Variants in UPB1 observed in about 807,000 individuals in gnomAD.
The protein encoded by UPB1 is beta-ureidopropionase 1.
In UPB1, 40 loss-of-function variants were observed where a neutral mutation model predicts 49.1. The observed-to-expected ratio is 0.81, with a 90% CI of 0.63 to 1.06. The LOEUF (loss-of-function observed/expected upper bound fraction) is 1.06, where lower values mean the gene tolerates loss of function less well. Ranked by LOEUF, UPB1 falls within the 50% of genes least tolerant of loss-of-function variation. The probability of loss-of-function intolerance (pLI) is 0.00; values close to 1 mark genes in which losing one functional copy is unlikely to be tolerated. For synonymous variants in UPB1, 207 were observed against 198.2 expected (o/e 1.04, Z -0.38); for missense variants, 499 against 505.9 (o/e 0.99, Z 0.13).
rs149064700 is a variant in UPB1, at chr22:24,500,360, C to T, written c.276+82C>T. On this transcript the variant is annotated intron_variant, in intron 2 of 9. Coordinates refer to ENST00000326010, the MANE Select transcript of UPB1 (RefSeq NM_016327.3). ...AGCACACCTGCAGGCCCTGGCTGGC[C>T]GCATACTCCGGGTCTGCAGGCTTGG... 267 of 1,589,028 alleles carry T rather than the reference C, an allele frequency of 1.7e-4. No individual in the cohort carries two copies. The African/African-American group carries it at 2.7e-3, about 16-fold the overall frequency.
chr22:24,524,663 A>G lies in UPB1; in HGVS notation c.1071+890A>G, dbSNP rs1166832115. ...ACCACCACACCCAGCTAATTTTTAAAATTTTTTATAGAGACCGAGTCTCAC... is the reference window on the plus strand; with the variant it reads ...ACCACCACACCCAGCTAATTTTTAAGATTTTTTATAGAGACCGAGTCTCAC... On this transcript the variant is annotated intron_variant, in intron 9 of 9. Transcript: ENST00000326010. 2.0e-5 allele frequency among the ~76,000 whole-genome samples: 3 copies of G among 151,874 alleles called. No individual in the cohort carries two copies. In the East Asian group the frequency reaches 5.8e-4, roughly 29 times the overall value.
At chr22:24,512,985 A>T (rs751499222) in intron 4 of UPB1, among the ~76,000 whole-genome samples, 2 of 152,224 alleles carry the variant, frequency 1.3e-5, no homozygotes, top group Non-Finnish European at 2.9e-5. Context: ...GCTGCAATGA[A>T]TATGCGTTTG....
intron 1 of UPB1, among the ~76,000 whole-genome samples, chr22:24,496,186 TAGTG>T (rs1426661471): frequency 6.6e-6 from 1 of 151,910 alleles, no homozygotes; most frequent in Non-Finnish European, 1.5e-5. Context: ...CTGGGCAACA[TAGTG>T]AGACACCCAT....
At position 24,527,800 on chromosome 22, in the gene UPB1, TTA is replaced by T. The variant is rs2044493509; in HGVS notation, c.*2007_*2008del. The T allele has an allele frequency of 6.9e-6, 1 of 144,714 alleles. No individual in the cohort carries two copies. The highest frequency in any genetic ancestry group is 1.5e-5 in the Non-Finnish European group (1 of 67,630). The allele number at this position is 144,714 out of a possible 1,614,324, so 9.0% of individuals were successfully genotyped here. ...TTACCTAATGGCCCTTCTTGCACCTTTAAAAAAAAAAAAAAAAAATTCCAGTC... is the reference window on the plus strand; with the variant it reads ...TTACCTAATGGCCCTTCTTGCACCTTAAAAAAAAAAAAAAAAATTCCAGTC... On this transcript the variant is annotated 3_prime_UTR_variant, in exon 10 of 10. Transcript: ENST00000326010.
intron 4 of UPB1, among the ~76,000 whole-genome samples, chr22:24,511,615 TATA>T (rs1344139510): frequency 2.1e-4 from 14 of 65,578 alleles, no homozygotes; most frequent in African/African-American, 3.7e-4. Context: ...TATATATATA[TATA>T]TTTTTTTTTT....
At position 24,525,833 on chromosome 22, in the gene UPB1, C is replaced by T. The variant is rs1321427861; in HGVS notation, c.*39C>T. 6.2e-7 allele frequency: 1 copy of T among 1,608,842 alleles called. No individual in the cohort carries two copies. Among genetic ancestry groups the T allele is most frequent in the Non-Finnish European group, 8.5e-7 (1 of 1,175,330 alleles). On this transcript the variant is annotated 3_prime_UTR_variant, in exon 10 of 10. Coordinates refer to ENST00000326010, the MANE Select transcript of UPB1 (RefSeq NM_016327.3). Reference sequence around the variant, plus strand: ...CTGCCTTGGGGTGAGGAAGACACCTCTGCCCCAGTGGATTAGCAAGTGTGG... The same window carrying T: ...CTGCCTTGGGGTGAGGAAGACACCTTTGCCCCAGTGGATTAGCAAGTGTGG...
intron 7 of UPB1, among the ~76,000 whole-genome samples, chr22:24,520,701 A>G (rs1362522227): frequency 1.3e-5 from 2 of 152,198 alleles, no homozygotes; most frequent in Non-Finnish European, 2.9e-5. Flanking sequence ...ATCACCTCCA[A>G]GTATCCAGTT....
chr22:24,502,394 G>T, intron 3 of UPB1, 181 bp downstream of exon 3: 1 of 796,248 alleles, frequency 1.3e-6, no homozygotes, highest in Non-Finnish European at 2.3e-6. Context: ...CCGAGCTGTT[G>T]TCTGATTCCT....
In UPB1 at chr22:24,495,525, T is replaced by C; in HGVS notation, c.104+18T>C. The C allele has an allele frequency of 6.2e-7, 1 of 1,613,128 alleles. No homozygotes were observed. The highest frequency in any genetic ancestry group is 1.1e-5 in the South Asian group (1 of 91,076). ...GAACTCAGGTCCGCAGCCAAGAGGC[T>C]AAGCTAATGGGGTCTTGGGGCCACA... On this transcript the variant is annotated intron_variant, in intron 1 of 9. Transcript: ENST00000326010.
Position 24,526,209 on chromosome 22 carries a change from G to C in UPB1, c.*415G>C, listed in dbSNP as rs1051599207. 5.8e-5 allele frequency: 18 copies of C among 309,892 alleles called. No individual in the cohort carries two copies. Among genetic ancestry groups the C allele is most frequent in the Middle Eastern group, 1.1e-3 (1 of 886 alleles). The allele number at this position is 309,892 out of a possible 1,614,324, so 19.2% of individuals were successfully genotyped here. ...GAGACCCTGAGCCTACAGCAAGGCT[G>C]TGGTGGGTCGGATGGTCTTTGGATG... On this transcript the variant is annotated 3_prime_UTR_variant, in exon 10 of 10. Transcript: ENST00000326010.
In UPB1 at chr22:24,502,111, T is replaced by C; in HGVS notation, c.277-15T>C. ...AATAGAACTAAATGGATTCTAATCCTTTTTAAATTCTCAGGTCTCTGCCCT... is the reference window on the plus strand; with the variant it reads ...AATAGAACTAAATGGATTCTAATCCCTTTTAAATTCTCAGGTCTCTGCCCT... On this transcript the variant is annotated splice_polypyrimidine_tract_variant and intron_variant, in intron 2 of 9. Transcript: ENST00000326010. 2 of 1,613,668 alleles carry C rather than the reference T, an allele frequency of 1.2e-6. No homozygotes were observed. Among genetic ancestry groups the C allele is most frequent in the Non-Finnish European group, 1.7e-6 (2 of 1,179,484 alleles).
rs768631977 is a variant in UPB1 at position 24,502,157 on chromosome 22, T to C, written c.308T>C (p.Ile103Thr). 1 of 1,614,200 alleles carries C rather than the reference T, an allele frequency of 6.2e-7. No homozygotes were observed. The highest frequency in any genetic ancestry group is 1.1e-5 in the South Asian group (1 of 91,086). Reference protein sequence around the residue: ...VSALHRRIKAIVEVAAMCGVN... With the variant: ...VSALHRRIKATVEVAAMCGVN... ...GCCCTTCATAGACGCATAAAGGCTA[T>C]CGTAGAGGTGGCTGCAATGTGTGGA... Residue 103 changes from isoleucine to threonine, a missense_variant, in exon 3 of 10, where the codon ATC becomes ACC. Transcript: ENST00000326010.
chr22:24,521,311 G>T (rs2044387683), intron 7 of UPB1, among the ~76,000 whole-genome samples: 1 of 151,524 alleles, frequency 6.6e-6, no homozygotes, highest in Admixed American at 6.6e-5. Context: ...GAGAAATCCT[G>T]TCTCTACTGA....
intron 9 of UPB1, among the ~76,000 whole-genome samples, chr22:24,525,074 CTT>C (rs1451215825): frequency 6.6e-6 from 1 of 152,210 alleles, no homozygotes; most frequent in East Asian, 1.9e-4. Flanking sequence ...CTGGCCAACT[CTT>C]TTTAATAAGT....
At chr22:24,515,457 C>T (rs1180430757) in intron 6 of UPB1, 87 bp downstream of exon 6, 8 of 1,562,638 alleles carry the variant, frequency 5.1e-6, no homozygotes, top group Non-Finnish European at 7.0e-6. Flanking sequence ...AAGGTGGCAG[C>T]AGGCAGGCGC....
chr22:24,520,742 A>G (rs1417545015), intron 7 of UPB1, among the ~76,000 whole-genome samples: 1 of 152,214 alleles, frequency 6.6e-6, no homozygotes, highest in African/African-American at 2.4e-5. Context: ...TACACTTAAC[A>G]GTTTTGACTG....
At chr22:24,499,171 C>G (rs2043944084) in intron 1 of UPB1, among the ~76,000 whole-genome samples, 2 of 152,290 alleles carry the variant, frequency 1.3e-5, no homozygotes, top group South Asian at 4.1e-4. Context: ...GGGGCGGCGA[C>G]AGGGGGCTTG....
At chr22:24,517,392 G>A (rs1258829213) in intron 6 of UPB1, among the ~76,000 whole-genome samples, 1 of 152,216 alleles carries the variant, frequency 6.6e-6, no homozygotes, top group Non-Finnish European at 1.5e-5. Flanking sequence ...CAGAACTTTG[G>A]GGCCACCCCC....
rs886534588 is a variant in UPB1, at chr22:24,526,670, G to A, written c.*876G>A. On this transcript the variant is annotated 3_prime_UTR_variant, in exon 10 of 10. Coordinates refer to ENST00000326010, the MANE Select transcript of UPB1 (RefSeq NM_016327.3). Reference sequence around the variant, plus strand: ...TAGAAAAATAGAATCTTAAAGATGAGTTTTCTGCATTGGTTCTGGATTTTT... The same window carrying A: ...TAGAAAAATAGAATCTTAAAGATGAATTTTCTGCATTGGTTCTGGATTTTT... 6.6e-6 allele frequency: 1 copy of A among 152,212 alleles called. No homozygotes were observed. The highest frequency in any genetic ancestry group is 2.4e-5 in the African/African-American group (1 of 41,458). 9.4% of individuals were successfully genotyped at this position (152,212 alleles called of 1,614,324 possible).
Sources: gnomAD v4.1 joint callset for allele counts (sites outside exome capture counted in the v4.1 genomes callset) on GRCh38, gnomAD v4.1.1 for gene constraint, MANE v1.5 for transcripts, NCBI Gene and HGNC (gene_info 2026-07-23, HGNC 2026-07-21) for gene names.